Variants in PTPRA observed in about 807,000 individuals in gnomAD.
PTPRA encodes receptor-type tyrosine-protein phosphatase alpha.
In PTPRA, 25 loss-of-function variants were observed where a neutral mutation model predicts 104.8. The ratio of observed to expected loss-of-function variants is 0.24; its 90% CI spans 0.17 to 0.33. The LOEUF is 0.33. PTPRA is among the 10% of genes least tolerant of loss of function. PTPRA has a pLI of 1.00. For missense variants in PTPRA, 765 were observed against 1,015.3 expected, an observed-to-expected ratio of 0.75 and a Z score of 3.35; for synonymous variants, 323 against 368.9, an observed-to-expected ratio of 0.88 and a Z score of 1.43.
intron 1 of PTPRA, among the ~76,000 whole-genome samples, chr20:2,900,892 A>G (rs2059208659): frequency 6.6e-6 from 1 of 152,054 alleles, no homozygotes; most frequent in Non-Finnish European, 1.5e-5. Context: ...CAAAATTTTA[A>G]AAATTTACCC....
intron 1 of PTPRA, among the ~76,000 whole-genome samples, chr20:2,888,104 C>T (rs117321792): frequency 0.016 from 2,373 of 152,318 alleles, 128 homozygotes; most frequent in Admixed American, 0.091. Context: ...GGAGACTATA[C>T]CTGGGCTAGG....
chr20:2,885,845 C>T (rs2090351840), intron 1 of PTPRA, among the ~76,000 whole-genome samples: 1 of 152,034 alleles, frequency 6.6e-6, no homozygotes, highest in Non-Finnish European at 1.5e-5. Context: ...GTGGGTGGAT[C>T]ATGAGGTCAG....
intron 20 of PTPRA, among the ~76,000 whole-genome samples, chr20:3,029,558 T>TTTTTTTTTTTTTTTA (rs2065328932): frequency 1.7e-5 from 2 of 116,702 alleles, no homozygotes; most frequent in Non-Finnish European, 3.9e-5. Context: ...TTTTTTTTTT[T>TTTTTTTTTTTTTTTA]GAGACGGAGT....
rs572119590 is a variant in PTPRA, at chr20:2,892,116, C to T, written c.-129+18356C>T. 9.9e-5 allele frequency among the ~76,000 whole-genome samples: 15 copies of T among 151,768 alleles called. No homozygotes were observed. The South Asian group carries it at 1.0e-3, about 11-fold the overall frequency. Reference sequence around the variant, plus strand: ...ACCAGCCTGGCCAATATGGTGAAACCGTGTCTCTACTAAAAATACAAAAAT... The same window carrying T: ...ACCAGCCTGGCCAATATGGTGAAACTGTGTCTCTACTAAAAATACAAAAAT... On this transcript the variant is annotated intron_variant, in intron 1 of 23. Coordinates refer to ENST00000399903, the MANE Select transcript of PTPRA (RefSeq NM_001385305.1).
At chr20:3,015,282 CTT>C (rs1314353192) in intron 11 of PTPRA, among the ~76,000 whole-genome samples, 1 of 149,668 alleles carries the variant, frequency 6.7e-6, no homozygotes, top group Admixed American at 6.7e-5. Context: ...ATTTGGATTT[CTT>C]TTTTCTTTCT....
At chr20:2,993,104 T>G (rs958453190) in intron 9 of PTPRA, among the ~76,000 whole-genome samples, 1 of 133,628 alleles carries the variant, frequency 7.5e-6, no homozygotes, top group East Asian at 2.5e-4. Context: ...GGTAGGTAGA[T>G]TGATTGATTG....
intron 20 of PTPRA, among the ~76,000 whole-genome samples, chr20:3,034,202 C>T (rs1275035202): frequency 1.3e-5 from 2 of 151,848 alleles, no homozygotes; most frequent in African/African-American, 2.4e-5. Context: ...AACTGGGAGG[C>T]GGAGGCTGCA....
chr20:2,879,179 C>A (rs775239447), intron 1 of PTPRA, among the ~76,000 whole-genome samples: 2 of 152,170 alleles, frequency 1.3e-5, no homozygotes, highest in African/African-American at 4.8e-5. Flanking sequence ...CAGAGAAGTT[C>A]AGCAGCTAAA....
In PTPRA at chr20:3,022,794, G is replaced by A; in HGVS notation, c.1434G>A (p.Arg478=). The A allele has an allele frequency of 6.2e-7, 1 of 1,614,184 alleles. No individual in the cohort carries two copies. The highest frequency in any genetic ancestry group is 8.5e-7 in the Non-Finnish European group (1 of 1,180,038). Residue 478 remains arginine (R), a synonymous_variant, in exon 16 of 24, where the codon CGG becomes CGA. Transcript: ENST00000399903. This position sits in a 1 kb window ranked among gnomAD's most constrained non-coding sequence, Gnocchi z 4.6. ...VDVYGFVSRI[R]AQRCQMVQTD... is the part of the protein sequence containing the mutation. ...TGTATGGCTTTGTGAGCCGGATCCGGGCACAGCGCTGCCAGATGGTGCAAA... is the reference window on the plus strand; with the variant it reads ...TGTATGGCTTTGTGAGCCGGATCCGAGCACAGCGCTGCCAGATGGTGCAAA...
chr20:2,944,263 A>T (rs1028116607), intron 2 of PTPRA, among the ~76,000 whole-genome samples: 15 of 151,988 alleles, frequency 9.9e-5, no homozygotes, highest in African/African-American at 3.6e-4. Flanking sequence ...GCTGGTCTCG[A>T]ACTCCTCACC....
intron 16 of PTPRA, 42 bp from the exon 17 acceptor site, chr20:3,024,430 T>C (rs1490681915): frequency 1.5e-5 from 24 of 1,584,660 alleles, no homozygotes; most frequent in Non-Finnish European, 1.8e-5. Flanking sequence ...ATGAGAACTA[T>C]GTTGTATGTA....
intron 2 of PTPRA, among the ~76,000 whole-genome samples, chr20:2,947,435 T>C (rs765807967): frequency 3.3e-5 from 5 of 152,218 alleles, no homozygotes; most frequent in African/African-American, 4.8e-5. Context: ...AGGTTTGCTT[T>C]TTCTAGAGAG....
At chr20:3,032,093 C>T (rs2065486795) in intron 20 of PTPRA, among the ~76,000 whole-genome samples, 1 of 152,180 alleles carries the variant, frequency 6.6e-6, no homozygotes, top group Non-Finnish European at 1.5e-5. Flanking sequence ...ATACTCACAC[C>T]TTAGCTTGTG....
At chr20:2,996,578 C>T (rs1187853951) in intron 9 of PTPRA, among the ~76,000 whole-genome samples, 2 of 152,066 alleles carry the variant, frequency 1.3e-5, no homozygotes, top group Non-Finnish European at 2.9e-5. Flanking sequence ...AAAAAGTGGC[C>T]AACTGGGAGA....
At chr20:2,953,544 T>C (rs1013001940) in intron 3 of PTPRA, among the ~76,000 whole-genome samples, 4 of 152,060 alleles carry the variant, frequency 2.6e-5, no homozygotes, top group African/African-American at 7.2e-5. Flanking sequence ...TGAGCCACTA[T>C]GCCTGGCCAT....
intron 3 of PTPRA, among the ~76,000 whole-genome samples, chr20:2,954,552 TTTG>T (rs913431059): frequency 8.5e-5 from 13 of 152,184 alleles, no homozygotes; most frequent in Non-Finnish European, 1.6e-4. Context: ...TTAGGTTGTT[TTTG>T]TTGTTGTTGA....
At chr20:2,945,941 C>T (rs559815079) in intron 2 of PTPRA, among the ~76,000 whole-genome samples, 40 of 150,514 alleles carry the variant, frequency 2.7e-4, no homozygotes, top group African/African-American at 8.8e-4. Flanking sequence ...TATATATATG[C>T]GTGTGTGTAT....
intron 6 of PTPRA, among the ~76,000 whole-genome samples, chr20:2,983,313 G>A (rs866312714): frequency 3.3e-5 from 5 of 152,188 alleles, no homozygotes; most frequent in South Asian, 4.1e-4. Context: ...AGTGAGCAAG[G>A]AAAGAGTGCA....
At chr20:2,915,159 G>A (rs866660401) in intron 1 of PTPRA, among the ~76,000 whole-genome samples, 4 of 151,730 alleles carry the variant, frequency 2.6e-5, no homozygotes, top group African/African-American at 9.7e-5. Context: ...GGCCATCATA[G>A]CATGCTGTAG....
Sources: gnomAD v4.1 joint callset for allele counts (sites outside exome capture counted in the v4.1 genomes callset) on GRCh38, gnomAD v4.1.1 for gene constraint, Gnocchi (gnomAD v3.1) non-coding constraint, MANE v1.5 for transcripts, NCBI Gene and HGNC (gene_info 2026-07-23, HGNC 2026-07-21) for gene names.